The following ICA1L variants were observed in gnomAD, a reference collection of about 807,000 sequenced individuals.
The protein encoded by ICA1L is islet cell autoantigen 1 like.
ICA1L carries 50 observed loss-of-function variants against 61.3 expected under a neutral mutation model. The ratio of observed to expected loss-of-function variants is 0.82; its 90% CI spans 0.65 to 1.03. The LOEUF (loss-of-function observed/expected upper bound fraction) is 1.03, where lower values mean the gene tolerates loss of function less well. Among genes scored for constraint, ICA1L ranks in the 50% least tolerant of loss-of-function variants. The pLI is 0.00. For synonymous variants in ICA1L, 161 were observed against 191.3 expected, an observed-to-expected ratio of 0.84 and a Z score of 1.31; for missense variants, 508 against 556.7, an observed-to-expected ratio of 0.91 and a Z score of 0.88.
rs28377161 is a variant in ICA1L, at chr2:202,779,904, G to A, written c.1334-256C>T. ...AAGTGATTCTCCCACCTCAGCCTCCGAGAACACTAGGATTATAGGCCTGAA... is the reference window on the plus strand; with the variant it reads ...AAGTGATTCTCCCACCTCAGCCTCCAAGAACACTAGGATTATAGGCCTGAA... On this transcript the variant is annotated intron_variant, in intron 12 of 12. Coordinates refer to ENST00000358299, the MANE Select transcript of ICA1L (RefSeq NM_001288622.3). 6.9e-3 allele frequency among the ~76,000 whole-genome samples: 1,039 copies of A among 150,286 alleles called. 7 individuals carry two copies. Among genetic ancestry groups the A allele is most frequent in the African/African-American group, 0.024 (980 of 40,840 alleles).
In ICA1L at chr2:202,825,742, C is replaced by A. The variant is rs200803657; in HGVS notation, c.188G>T (p.Cys63Phe). The A allele has an allele frequency of 1.3e-6, 2 of 1,586,664 alleles. No individual in the cohort carries two copies. Among genetic ancestry groups the A allele is most frequent in the Non-Finnish European group, 1.7e-6 (2 of 1,158,992 alleles). Reference protein sequence around the residue: ...LEVFHSVQETCTELLKIIEKY... With the variant: ...LEVFHSVQETFTELLKIIEKY... Reference sequence around the variant, plus strand: ...CTCGATTATCTTCAGAAGTTCAGTGCATGTCTCTTGAACAGAGTGAAAAAC... The same window carrying A: ...CTCGATTATCTTCAGAAGTTCAGTGAATGTCTCTTGAACAGAGTGAAAAAC... The change falls in exon 3 of 13, where the codon TGC becomes TTC. Residue 63 changes from cysteine (C) to phenylalanine (F), a missense_variant. By Grantham distance (205) the Cys-to-Phe change is radical. Coordinates refer to ENST00000358299, the MANE Select transcript of ICA1L (RefSeq NM_001288622.3).
chr2:202,798,534 C>A (rs1050440431), intron 9 of ICA1L, among the ~76,000 whole-genome samples: 1 of 152,182 alleles, frequency 6.6e-6, no homozygotes, highest in African/African-American at 2.4e-5. Flanking sequence ...AGCCACCATA[C>A]CTGGACAAGG....
chr2:202,806,783 C>G (rs1693240439), intron 9 of ICA1L, among the ~76,000 whole-genome samples: 1 of 152,084 alleles, frequency 6.6e-6, no homozygotes, highest in Admixed American at 6.5e-5. Flanking sequence ...ATAAATAACT[C>G]CTATTTCAGA....
intron 1 of ICA1L, among the ~76,000 whole-genome samples, chr2:202,867,225 T>G (rs1225990748): frequency 6.6e-6 from 1 of 152,190 alleles, no homozygotes; most frequent in Non-Finnish European, 1.5e-5. Flanking sequence ...ATACATAAAT[T>G]ATTTGAGCAA....
chr2:202,814,613 G>C (rs1693477694), intron 8 of ICA1L, 89 bp downstream of exon 8: 1 of 825,240 alleles, frequency 1.2e-6, no homozygotes, highest in Non-Finnish European at 2.0e-6. Context: ...TAAATATTCA[G>C]TAAGAGAAGA....
intron 2 of ICA1L, 93 bp from the exon 3 acceptor site, chr2:202,825,860 T>C: frequency 1.5e-6 from 1 of 672,796 alleles, no homozygotes; most frequent in Non-Finnish European, 2.2e-6. Context: ...CTTCTAAGTA[T>C]TATGTCTGTT....
rs1692285761 is a variant in ICA1L at position 202,778,215 on chromosome 2, G to A, written c.*1318C>T. On this transcript the variant is annotated 3_prime_UTR_variant, in exon 13 of 13. Transcript: ENST00000358299. ...TCTTCTTATGGAAATGCAATGGACT[G>A]GATGACAAATATAAAACAAACACAC... is the stretch of plus-strand genomic sequence containing the variant. 1 of 152,088 alleles carries A rather than the reference G, an allele frequency of 6.6e-6. No individual in the cohort carries two copies. Among genetic ancestry groups the A allele is most frequent in the African/African-American group, 2.4e-5 (1 of 41,418 alleles). 9.4% of individuals were successfully genotyped at this position (152,088 alleles called of 1,614,324 possible).
In ICA1L at chr2:202,819,874, G is replaced by A. The variant is rs538163431; in HGVS notation, c.385C>T (p.Arg129Cys). The A allele has an allele frequency of 3.7e-6, 6 of 1,613,946 alleles. No homozygotes were observed. The highest frequency in any genetic ancestry group is 3.3e-5 in the Admixed American group (2 of 60,016). Residue 129 changes from arginine (R) to cysteine (C), a missense_variant, in exon 5 of 13, where the codon CGT (arginine) becomes TGT (cysteine). Coordinates refer to ENST00000358299, the MANE Select transcript of ICA1L (RefSeq NM_001288622.3). The part of the protein sequence containing the change: ...QRLALCTPLS[R>C]LKQEVATFSQ... ...AATGTTGCTACTTCTTGCTTCAGAC[G>A]AGACAGAGGAGTACACAGGGCCAAT...
At chr2:202,812,160 G>A (rs903631763) in intron 8 of ICA1L, among the ~76,000 whole-genome samples, 1 of 152,214 alleles carries the variant, frequency 6.6e-6, no homozygotes, top group Non-Finnish European at 1.5e-5. Context: ...CTCCAGAAAA[G>A]ATGGAGTACC....
Position 202,773,245 on chromosome 2 carries a change from G to A in ICA1L, c.*6288C>T, listed in dbSNP as rs1287443368. On this transcript the variant is annotated 3_prime_UTR_variant, in exon 13 of 13. Transcript: ENST00000358299. ...AATTTTACAAACTAAATTTTTGTAA[G>A]TACATGAAATTTCTATTTGATTATG... is the stretch of plus-strand genomic sequence containing the variant. 6.6e-6 allele frequency: 1 copy of A among 152,144 alleles called. No homozygotes were observed. Among genetic ancestry groups the A allele is most frequent in the Non-Finnish European group, 1.5e-5 (1 of 68,030 alleles). The allele number at this position is 152,144 out of a possible 1,614,324, so 9.4% of individuals were successfully genotyped here.
chr2:202,831,993 A>G (rs1353406596), intron 1 of ICA1L, among the ~76,000 whole-genome samples: 4 of 152,148 alleles, frequency 2.6e-5, no homozygotes, highest in African/African-American at 7.2e-5. Flanking sequence ...AGTCCTCCCA[A>G]GACCTGTGCT....
At chr2:202,783,416 C>A (rs1692473979) in intron 12 of ICA1L, among the ~76,000 whole-genome samples, 1 of 152,184 alleles carries the variant, frequency 6.6e-6, no homozygotes, top group Admixed American at 6.5e-5. Context: ...ACATCATGCA[C>A]CCCCTGATAG....
intron 9 of ICA1L, among the ~76,000 whole-genome samples, chr2:202,800,303 G>T (rs1693056426): frequency 6.6e-6 from 1 of 152,130 alleles, no homozygotes; most frequent in Admixed American, 6.5e-5. Flanking sequence ...TATGGCAAAA[G>T]ATAGCATACT....
chr2:202,825,528 A>C, intron 3 of ICA1L, 167 bp downstream of exon 3: 1 of 1,345,764 alleles, frequency 7.4e-7, no homozygotes, highest in Non-Finnish European at 9.5e-7. Flanking sequence ...TTAACTGAGG[A>C]AAGAAGAGAG....
intron 9 of ICA1L, among the ~76,000 whole-genome samples, chr2:202,802,108 T>C (rs886213865): frequency 1.3e-5 from 2 of 152,168 alleles, no homozygotes; most frequent in African/African-American, 4.8e-5. Context: ...CAAGGGACTA[T>C]AAAAATTAGG....
rs185234137 is a variant in ICA1L at position 202,773,369 on chromosome 2, A to T, written c.*6164T>A. The T allele has an allele frequency of 1.9e-4, 31 of 161,268 alleles. No individual in the cohort carries two copies. The highest frequency in any genetic ancestry group is 7.2e-4 in the African/African-American group (30 of 41,684). The allele number at this position is 161,268 out of a possible 1,614,324, so 10.0% of individuals were successfully genotyped here. ...TTATTTCAGTCATCCCTAACATGTG[A>T]CTACCAAAGACCTTGAAGCTAAACA... On this transcript the variant is annotated 3_prime_UTR_variant, in exon 13 of 13. Transcript: ENST00000358299.
At chr2:202,863,336 C>T (rs1388639424) in intron 1 of ICA1L, among the ~76,000 whole-genome samples, 1 of 151,866 alleles carries the variant, frequency 6.6e-6, no homozygotes. Flanking sequence ...TCTATGCTTC[C>T]ACCTTAAGAA....
At chr2:202,859,199 A>T (rs1262284950) in intron 1 of ICA1L, among the ~76,000 whole-genome samples, 1 of 152,240 alleles carries the variant, frequency 6.6e-6, no homozygotes, top group Non-Finnish European at 1.5e-5. Flanking sequence ...CTGCCCCTCA[A>T]ACTGCCCTAA....
chr2:202,840,583 G>T, intron 1 of ICA1L: 1 of 564,074 alleles, frequency 1.8e-6, no homozygotes, highest in East Asian at 4.5e-5. Context: ...ACTCCAACTG[G>T]CTCTCCTCGC....
Sources: allele counts gnomAD v4.1 joint callset (sites outside exome capture counted in the v4.1 genomes callset), GRCh38; gene constraint gnomAD v4.1.1; transcripts MANE v1.5; gene names NCBI Gene and HGNC (gene_info 2026-07-23, HGNC 2026-07-21).